The following ZMYND11 variants were observed in gnomAD, a reference collection of about 807,000 sequenced individuals.
The protein encoded by ZMYND11 is zinc finger MYND domain-containing protein 11.
In ZMYND11, 9 loss-of-function variants were observed where a neutral mutation model predicts 84.9. The observed-to-expected ratio is 0.11, with a 90% CI of 0.06 to 0.18. The LOEUF is 0.18. Ranked by LOEUF, ZMYND11 falls within the 10% of genes least tolerant of loss-of-function variation. ZMYND11 has a pLI of 1.00. For synonymous variants in ZMYND11, 250 were observed against 244.1 expected (o/e 1.02, Z -0.23); for missense variants, 409 against 761.0 (o/e 0.54, Z 5.44).
At chr10:142,004 T>A (rs559725885) in intron 1 of ZMYND11, among the ~76,000 whole-genome samples, 14 of 152,346 alleles carry the variant, frequency 9.2e-5, no homozygotes, top group African/African-American at 3.4e-4. Flanking sequence ...ACATTTTAAT[T>A]TGGCTGTACA....
rs140745554 is a variant in ZMYND11 at position 143,321 on chromosome 10, A to C, written c.-20+7762A>C. Among the ~76,000 whole-genome samples, 518 of 152,260 alleles carry C rather than the reference A, an allele frequency of 3.4e-3. 8 individuals carry two copies. Among genetic ancestry groups the C allele is most frequent in the Non-Finnish European group, 2.1e-3 (140 of 67,950 alleles). Reference sequence around the variant, plus strand: ...GGCTAGGCATGGGGGAAGCTCTCGCAACTTTTGAAAGCTATTATGAATTTT... The same window carrying C: ...GGCTAGGCATGGGGGAAGCTCTCGCCACTTTTGAAAGCTATTATGAATTTT... On this transcript the variant is annotated intron_variant, in intron 1 of 14. Coordinates refer to ENST00000381604, the MANE Select transcript of ZMYND11 (RefSeq NM_001370100.5).
chr10:245,473 A>G lies in ZMYND11; in HGVS notation c.951-1293A>G, dbSNP rs1368060933. 3.9e-5 allele frequency among the ~76,000 whole-genome samples: 6 copies of G among 152,330 alleles called. No individual in the cohort carries two copies. In the South Asian group the frequency reaches 1.0e-3, roughly 26 times the overall value. ...ACAGGCCAGGGATGAAAACTGTGAT[A>G]TCATATATACTTATAGCAGGAAAAA... On this transcript the variant is annotated intron_variant, in intron 10 of 14. Coordinates refer to ENST00000381604, the MANE Select transcript of ZMYND11 (RefSeq NM_001370100.5).
intron 1 of ZMYND11, among the ~76,000 whole-genome samples, chr10:176,570 T>A (rs1846674052): frequency 6.6e-6 from 1 of 152,172 alleles, no homozygotes; most frequent in Non-Finnish European, 1.5e-5. Flanking sequence ...AAACATGAGT[T>A]ATAAAAATGA....
chr10:191,903 C>T (rs896675221), intron 2 of ZMYND11, among the ~76,000 whole-genome samples: 5 of 152,050 alleles, frequency 3.3e-5, no homozygotes, highest in Non-Finnish European at 5.9e-5. Flanking sequence ...TTTCATCTGG[C>T]GAGACTGCAC....
At chr10:133,927 C>G (rs1282894315), upstream of ZMYND11, among the ~76,000 whole-genome samples, 1 of 152,108 alleles carries the variant, frequency 6.6e-6, no homozygotes, top group Non-Finnish European at 1.5e-5. Flanking sequence ...TATCACAGAC[C>G]TATTCAAGTA....
At chr10:160,621 G>T (rs1389474091) in intron 1 of ZMYND11, among the ~76,000 whole-genome samples, 1 of 152,092 alleles carries the variant, frequency 6.6e-6, no homozygotes, top group Non-Finnish European at 1.5e-5. Flanking sequence ...CAACCCTACT[G>T]CTGCTTTATC....
intron 1 of ZMYND11, among the ~76,000 whole-genome samples, chr10:178,847 ATATAGTT>A (rs1244638308): frequency 6.6e-6 from 1 of 152,186 alleles, no homozygotes; most frequent in African/African-American, 2.4e-5. Flanking sequence ...GATAGCAACT[ATATAGTT>A]TATTTGTGTT....
At chr10:201,291 A>G (rs1297520481) in intron 2 of ZMYND11, among the ~76,000 whole-genome samples, 2 of 152,164 alleles carry the variant, frequency 1.3e-5, no homozygotes, top group East Asian at 1.9e-4. Flanking sequence ...GGTGTGAACT[A>G]TTTATGAGGG....
chr10:252,637 C>T lies in ZMYND11; in HGVS notation c.*167C>T. 1.2e-6 allele frequency: 1 copy of T among 853,566 alleles called. No homozygotes were observed. The allele number at this position is 853,566 out of a possible 1,614,324, so 52.9% of individuals were successfully genotyped here. A position where few individuals can be genotyped will look rare whatever the true frequency, so the allele number is the denominator to read the frequency against. On this transcript the variant is annotated 3_prime_UTR_variant, in exon 15 of 15. Coordinates refer to ENST00000381604, the MANE Select transcript of ZMYND11 (RefSeq NM_001370100.5). The surrounding 1 kb of genome is among the most constrained non-coding windows in gnomAD (Gnocchi z 4.6). ...GTAGTTTAAATCTTTTGTTAATGCTCCTCCGAAGTTTTTCAGGGGGTAAAA... is the reference window on the plus strand; with the variant it reads ...GTAGTTTAAATCTTTTGTTAATGCTTCTCCGAAGTTTTTCAGGGGGTAAAA...
At chr10:154,831 A>T (rs541029432) in intron 1 of ZMYND11, 1 of 152,234 alleles carries the variant, frequency 6.6e-6, no homozygotes, top group Non-Finnish European at 1.5e-5. Flanking sequence ...CAAATGAAAT[A>T]TAAGAAAATT....
intron 2 of ZMYND11, among the ~76,000 whole-genome samples, chr10:186,677 A>G (rs1176673715): frequency 2.3e-4 from 31 of 136,274 alleles, no homozygotes; most frequent in African/African-American, 7.9e-4. Flanking sequence ...AAAAAAAAAA[A>G]AAGAAATCCC....
At chr10:174,576 C>A (rs1398455856) in intron 1 of ZMYND11, among the ~76,000 whole-genome samples, 5 of 151,778 alleles carry the variant, frequency 3.3e-5, no homozygotes, top group African/African-American at 1.2e-4. Flanking sequence ...GTGGCACATG[C>A]TTGTCATTCA....
chr10:170,132 G>A (rs1269493344), intron 1 of ZMYND11, among the ~76,000 whole-genome samples: 1 of 152,032 alleles, frequency 6.6e-6, no homozygotes, highest in African/African-American at 2.4e-5. Flanking sequence ...GAAATGAAAT[G>A]TTGAAAGAAA....
intron 1 of ZMYND11, among the ~76,000 whole-genome samples, chr10:175,422 C>T (rs896081821): frequency 5.9e-5 from 9 of 151,958 alleles, no homozygotes; most frequent in Admixed American, 2.0e-4. Context: ...ACAAAAATTA[C>T]CCAGCTGTGG....
At chr10:149,285 G>GTTATTATTATCA (rs1839707658) in intron 1 of ZMYND11, among the ~76,000 whole-genome samples, 1 of 139,322 alleles carries the variant, frequency 7.2e-6, no homozygotes, top group African/African-American at 2.7e-5. Flanking sequence ...TGAGGTGGTT[G>GTTATTATTATCA]TTATTATTAT....
At chr10:249,995 G>A (rs1953038271) in intron 14 of ZMYND11, among the ~76,000 whole-genome samples, 1 of 152,164 alleles carries the variant, frequency 6.6e-6, no homozygotes. Flanking sequence ...GGGAAAAAGA[G>A]AACTTTATTT....
At position 248,385 on chromosome 10, in the gene ZMYND11, C is replaced by T. The variant is rs1392045625; in HGVS notation, c.1277C>T (p.Thr426Met). 25 of 1,614,030 alleles carry T rather than the reference C, an allele frequency of 1.5e-5. No homozygotes were observed. The highest frequency in any genetic ancestry group is 2.2e-5 in the South Asian group (2 of 91,076). The change falls in exon 13 of 15, where the codon ACG becomes ATG. Residue 426 changes from threonine to methionine, a missense_variant. Physicochemically the swap from Thr to Met is moderately conservative, Grantham distance 81. Transcript: ENST00000381604. The part of the protein sequence containing the change: ...EAVSSSQEIP[T>M]MPQPIEKVSV... ...GTAAGTTCTAGCCAGGAAATACCCA[C>T]GATGCCTCAGCCCATCGAAAAAGTC...
intron 14 of ZMYND11, chr10:249,486 TTTCC>T: frequency 1.0e-6 from 1 of 984,858 alleles, no homozygotes; most frequent in Non-Finnish European, 1.2e-6. Context: ...TAGTTTCAGA[TTTCC>T]CTGCACTTAA....
rs776749409 is a variant in ZMYND11, at chr10:252,113, C to T, written c.1687-235C>T. Among the ~76,000 whole-genome samples, 2 of 152,136 alleles carry T rather than the reference C, an allele frequency of 1.3e-5. No individual in the cohort carries two copies. Among genetic ancestry groups the T allele is most frequent in the Non-Finnish European group, 2.9e-5 (2 of 68,026 alleles). On this transcript the variant is annotated intron_variant, in intron 14 of 14. Coordinates refer to ENST00000381604, the MANE Select transcript of ZMYND11 (RefSeq NM_001370100.5). This position sits in a 1 kb window ranked among gnomAD's most constrained non-coding sequence, Gnocchi z 4.6. ...ATGACTCTCACAGAGATGGAAAAAA[C>T]GGGAGGTGTCAGGTACCACCTGACA... is the stretch of plus-strand genomic sequence containing the variant.
Sources: gnomAD v4.1 joint callset for allele counts (sites outside exome capture counted in the v4.1 genomes callset) on GRCh38, gnomAD v4.1.1 for gene constraint, Gnocchi (gnomAD v3.1) non-coding constraint, MANE v1.5 for transcripts, NCBI Gene and HGNC (gene_info 2026-07-23, HGNC 2026-07-21) for gene names.